The following CSMD1 variants were observed in gnomAD, a reference collection of about 807,000 sequenced individuals.
CSMD1 encodes CUB and Sushi multiple domains 1.
In CSMD1, 213 loss-of-function variants were observed where a neutral mutation model predicts 417.5. The ratio of observed to expected loss-of-function variants is 0.51; its 90% CI spans 0.46 to 0.57. The LOEUF (loss-of-function observed/expected upper bound fraction) is 0.57. CSMD1 is among the 20% of genes least tolerant of loss of function. The probability of loss-of-function intolerance (pLI) is 0.00; values close to 1 mark genes in which losing one functional copy is unlikely to be tolerated. For missense variants in CSMD1, 6,923 were observed against 4,529.7 expected (o/e 1.53, Z -15.17); for synonymous variants, 2,862 against 1,736.8 (o/e 1.65, Z -16.11).
intron 2 of CSMD1, among the ~76,000 whole-genome samples, chr8:4,454,790 C>G (rs1193300501): frequency 6.6e-6 from 1 of 152,184 alleles, no homozygotes; most frequent in Admixed American, 6.5e-5. Context: ...GGCACTTAAG[C>G]TACAACTAGA....
At chr8:4,831,036 G>C (rs1465075191) in intron 1 of CSMD1, among the ~76,000 whole-genome samples, 1 of 152,164 alleles carries the variant, frequency 6.6e-6, no homozygotes, top group Non-Finnish European at 1.5e-5. Context: ...ATAACAGGAT[G>C]ATCTACCCTT....
chr8:4,194,539 T>G (rs921487406), intron 3 of CSMD1, among the ~76,000 whole-genome samples: 23 of 152,174 alleles, frequency 1.5e-4, no homozygotes, highest in African/African-American at 5.3e-4. Context: ...ACTATTTTTA[T>G]TATAATGTTG....
rs1483711653 is a variant in CSMD1, at chr8:3,997,885, T to C, written c.818+18A>G. Reference sequence around the variant, plus strand: ...AAACACACCTGTATCCTTTGTGGCATCTCTTCCCGGGACTTACCATATGGA... The same window carrying C: ...AAACACACCTGTATCCTTTGTGGCACCTCTTCCCGGGACTTACCATATGGA... On this transcript the variant is annotated intron_variant, in intron 5 of 69. Coordinates refer to ENST00000635120, the MANE Select transcript of CSMD1 (RefSeq NM_033225.6). The C allele has an allele frequency of 2.5e-6, 4 of 1,604,078 alleles. No individual in the cohort carries two copies. The South Asian group carries it at 4.5e-5, about 18-fold the overall frequency.
intron 3 of CSMD1, among the ~76,000 whole-genome samples, chr8:4,192,531 G>A (rs998282797): frequency 6.6e-6 from 1 of 152,052 alleles, no homozygotes; most frequent in African/African-American, 2.4e-5. Flanking sequence ...TGACCTTTCA[G>A]CAACAGGGGC....
intron 8 of CSMD1, among the ~76,000 whole-genome samples, chr8:3,606,641 A>C (rs1394175628): frequency 1.3e-5 from 2 of 152,146 alleles, no homozygotes; most frequent in East Asian, 3.9e-4. Flanking sequence ...GGCCACTATA[A>C]ATTTATTAAT....
In CSMD1 at chr8:4,348,171, A is replaced by G. The variant is rs547792727; in HGVS notation, c.415+71782T>C. Among the ~76,000 whole-genome samples, 14 of 152,290 alleles carry G rather than the reference A, an allele frequency of 9.2e-5. No homozygotes were observed. In the South Asian group the frequency reaches 2.9e-3, roughly 32 times the overall value. Reference sequence around the variant, plus strand: ...TCGGTTTTTAAAACATATTTACTGCATATGATCTCTGGATATGGCATTGTG... The same window carrying G: ...TCGGTTTTTAAAACATATTTACTGCGTATGATCTCTGGATATGGCATTGTG... On this transcript the variant is annotated intron_variant, in intron 3 of 69. Transcript: ENST00000635120.
intron 1 of CSMD1, among the ~76,000 whole-genome samples, chr8:4,675,710 T>C (rs1805640293): frequency 6.6e-6 from 1 of 152,216 alleles, no homozygotes; most frequent in Non-Finnish European, 1.5e-5. Flanking sequence ...TTGGTATTTT[T>C]TTTGCATATT....
intron 40 of CSMD1, among the ~76,000 whole-genome samples, chr8:3,146,754 G>T (rs1373833573): frequency 6.6e-6 from 1 of 152,202 alleles, no homozygotes. Flanking sequence ...AATTAGGAAA[G>T]CCAGGTAAGA....
chr8:3,268,571 C>G (rs532047380), intron 26 of CSMD1, among the ~76,000 whole-genome samples: 28 of 152,186 alleles, frequency 1.8e-4, no homozygotes, highest in Admixed American at 1.8e-3. Flanking sequence ...CAGGCGTGAG[C>G]CACCGTGCCA....
chr8:4,838,574 G>T (rs1585190471), intron 1 of CSMD1, among the ~76,000 whole-genome samples: 1 of 152,254 alleles, frequency 6.6e-6, no homozygotes, highest in East Asian at 1.9e-4. Context: ...GGTGCATGTT[G>T]AGGATATATT....
At chr8:4,880,088 C>A (rs1169161134) in intron 1 of CSMD1, among the ~76,000 whole-genome samples, 1 of 151,974 alleles carries the variant, frequency 6.6e-6, no homozygotes, top group Non-Finnish European at 1.5e-5. Flanking sequence ...TAGTTTTGGC[C>A]GTTGTAATCT....
chr8:4,353,816 C>T (rs755887585), intron 3 of CSMD1, among the ~76,000 whole-genome samples: 43 of 152,122 alleles, frequency 2.8e-4, no homozygotes, highest in Non-Finnish European at 4.3e-4. Context: ...TCATTAAAAC[C>T]AGTGTTCTTC....
chr8:3,740,398 A>T (rs1188440301), intron 6 of CSMD1, among the ~76,000 whole-genome samples: 1 of 152,234 alleles, frequency 6.6e-6, no homozygotes, highest in Non-Finnish European at 1.5e-5. Context: ...TGATGATAAA[A>T]TGCAATGCTG....
At chr8:4,137,035 CAGTT>C (rs1028658212) in intron 3 of CSMD1, among the ~76,000 whole-genome samples, 1 of 152,206 alleles carries the variant, frequency 6.6e-6, no homozygotes, top group Non-Finnish European at 1.5e-5. Flanking sequence ...AACATGATCA[CAGTT>C]GGTTGGCTTT....
At chr8:4,032,879 G>A (rs7822006) in intron 3 of CSMD1, among the ~76,000 whole-genome samples, 26,247 of 152,070 alleles carry the variant, frequency 0.17, 2,405 homozygotes, top group South Asian at 0.23. Context: ...ACTAGGTCAG[G>A]CCGTGGTGGG....
intron 69 of CSMD1, among the ~76,000 whole-genome samples, chr8:2,939,792 G>A (rs1334982312): frequency 1.3e-5 from 2 of 152,226 alleles, no homozygotes; most frequent in South Asian, 2.1e-4. Flanking sequence ...GGAGAGGTCC[G>A]TGACATTGTG....
chr8:4,273,222 C>T (rs1052763195), intron 3 of CSMD1, among the ~76,000 whole-genome samples: 1 of 152,048 alleles, frequency 6.6e-6, no homozygotes, highest in Non-Finnish European at 1.5e-5. Context: ...GACAGTCTTT[C>T]TCATAAAATA....
chr8:4,666,751 C>G (rs1241731761), intron 1 of CSMD1, among the ~76,000 whole-genome samples: 1 of 151,964 alleles, frequency 6.6e-6, no homozygotes, highest in Non-Finnish European at 1.5e-5. Context: ...ACAGTCAAGT[C>G]CTTCATCAGA....
intron 42 of CSMD1, chr8:3,113,275 G>T (rs1030955439): frequency 1.3e-5 from 2 of 152,244 alleles, no homozygotes; most frequent in African/African-American, 2.4e-5. Context: ...CATGGCATCA[G>T]CAACTGAAAG....
Sources: gnomAD v4.1 joint callset for allele counts (sites outside exome capture counted in the v4.1 genomes callset) on GRCh38, gnomAD v4.1.1 for gene constraint, MANE v1.5 for transcripts, NCBI Gene and HGNC (gene_info 2026-07-23, HGNC 2026-07-21) for gene names.